Variants in SLC47A2 observed in about 807,000 individuals in gnomAD.
SLC47A2 encodes solute carrier family 47 member 2.
Under a neutral mutation model 67.7 loss-of-function variants are expected in SLC47A2, and 52 were observed. The ratio of observed to expected loss-of-function variants is 0.77; its 90% CI spans 0.61 to 0.97. The LOEUF (loss-of-function observed/expected upper bound fraction) is 0.97. Among genes scored for constraint, SLC47A2 ranks in the 50% least tolerant of loss-of-function variants. The pLI is 0.00. For missense variants in SLC47A2, 676 were observed against 712.3 expected, an observed-to-expected ratio of 0.95 and a Z score of 0.58; for synonymous variants, 278 against 292.9, an observed-to-expected ratio of 0.95 and a Z score of 0.52.
intron 10 of SLC47A2, 26 bp downstream of exon 10, chr17:19,705,410 G>T: frequency 6.2e-7 from 1 of 1,601,400 alleles, no homozygotes; most frequent in Non-Finnish European, 8.5e-7. Flanking sequence ...GGGGATGTGG[G>T]GAAGGCACCC....
At chr17:19,711,543 C>T (rs1172892773) in intron 5 of SLC47A2, among the ~76,000 whole-genome samples, 1 of 120,446 alleles carries the variant, frequency 8.3e-6, no homozygotes, top group African/African-American at 3.2e-5. Flanking sequence ...GAGCGGAGAT[C>T]GTACCACTGC....
intron 13 of SLC47A2, among the ~76,000 whole-genome samples, chr17:19,691,795 AC>A (rs2085546792): frequency 6.6e-6 from 1 of 152,104 alleles, no homozygotes. Flanking sequence ...GGTGATGAAA[AC>A]CCCATTTATC....
intron 13 of SLC47A2, among the ~76,000 whole-genome samples, chr17:19,688,605 T>G (rs993585068): frequency 8.5e-5 from 13 of 152,230 alleles, no homozygotes; most frequent in African/African-American, 3.1e-4. Flanking sequence ...TTTGTTTTGT[T>G]TTTGGAGATG....
chr17:19,708,483 C>T, intron 6 of SLC47A2, 84 bp from the exon 7 acceptor site: 2 of 1,614,076 alleles, frequency 1.2e-6, no homozygotes, highest in Non-Finnish European at 1.7e-6. Flanking sequence ...AATGGGGACT[C>T]CTCCTCCTGC....
chr17:19,692,337 C>G, intron 13 of SLC47A2: 1 of 412,616 alleles, frequency 2.4e-6, no homozygotes, highest in Non-Finnish European at 4.7e-6. Flanking sequence ...ACATAGATTA[C>G]CAAAATCAGA....
chr17:19,682,937 T>C (rs975875809), intron 13 of SLC47A2, among the ~76,000 whole-genome samples: 3 of 152,252 alleles, frequency 2.0e-5, no homozygotes, highest in African/African-American at 7.2e-5. Context: ...CAGCTCATCC[T>C]TGGTCAGGAT....
chr17:19,698,482 C>G (rs56901260), intron 13 of SLC47A2, among the ~76,000 whole-genome samples: 6,888 of 152,104 alleles, frequency 0.045, 265 homozygotes, highest in East Asian at 0.16. Flanking sequence ...CACTGGAGTA[C>G]CTGGGATTAC....
At chr17:19,690,257 T>C (rs1369909433) in intron 13 of SLC47A2, among the ~76,000 whole-genome samples, 1 of 152,168 alleles carries the variant, frequency 6.6e-6, no homozygotes, top group Non-Finnish European at 1.5e-5. Flanking sequence ...TCTCACCGTA[T>C]ACAAAAATCA....
chr17:19,705,603 T>C (rs1597625351), intron 9 of SLC47A2, 100 bp from the exon 10 acceptor site: 2 of 1,123,754 alleles, frequency 1.8e-6, no homozygotes, highest in Non-Finnish European at 2.4e-6. Flanking sequence ...GGGGCTTTTT[T>C]TTTTTTTCTT....
chr17:19,688,689 C>T lies in SLC47A2; in HGVS notation c.1165-7019G>A, dbSNP rs533900391. 1.2e-3 allele frequency among the ~76,000 whole-genome samples: 177 copies of T among 152,094 alleles called. 1 individual carries two copies. The highest frequency in any genetic ancestry group is 4.0e-3 in the African/African-American group (166 of 41,508). ...TCATCCTCCCAAGTAGCTGGGATTA[C>T]ACTGCACTGCCTGCACTACAAAGCC... is the stretch of plus-strand genomic sequence containing the variant. On this transcript the variant is annotated intron_variant, in intron 13 of 16. Coordinates refer to ENST00000433844, the MANE Select transcript of SLC47A2 (RefSeq NM_001099646.3).
chr17:19,693,951 T>A (rs912493368), intron 13 of SLC47A2, among the ~76,000 whole-genome samples: 2 of 152,034 alleles, frequency 1.3e-5, no homozygotes, highest in African/African-American at 4.8e-5. Context: ...GGATAAAGGA[T>A]CAATAATCAA....
rs767987489 is a variant in SLC47A2, at chr17:19,681,641, A to G, written c.1194T>C (p.Thr398=). Residue 398 remains threonine (T), a synonymous_variant, in exon 14 of 17, where the codon ACT becomes ACC. Transcript: ENST00000433844. ...CAGCGGCACCAAAGGCCTGCTTCCC[A>G]GTTCCTCTCAGAACTCCGCCATAGA... ...CCVYGGVLRG[T]GKQAFGAAVN... The G allele has an allele frequency of 6.2e-7, 1 of 1,613,996 alleles. No homozygotes were observed. Among genetic ancestry groups the G allele is most frequent in the Non-Finnish European group, 8.5e-7 (1 of 1,179,852 alleles).
intron 13 of SLC47A2, among the ~76,000 whole-genome samples, chr17:19,698,621 C>T (rs1215998030): frequency 3.3e-5 from 5 of 152,038 alleles, no homozygotes; most frequent in Non-Finnish European, 7.4e-5. Flanking sequence ...TCCCAAAGTC[C>T]AGGGATTACA....
At chr17:19,716,354 G>A (rs1389659939) in intron 1 of SLC47A2, 79 bp downstream of exon 1, 24 of 1,496,814 alleles carry the variant, frequency 1.6e-5, no homozygotes, top group African/African-American at 2.8e-5. Flanking sequence ...CACATTTCTG[G>A]ATCCTGCCTG....
intron 13 of SLC47A2, among the ~76,000 whole-genome samples, chr17:19,693,606 A>C (rs1159546694): frequency 7.8e-6 from 1 of 128,478 alleles, no homozygotes; most frequent in Non-Finnish European, 1.7e-5. Context: ...CCCCGTCTCT[A>C]CTAAAAATAA....
At chr17:19,716,737 CT>C, upstream of SLC47A2, 1 of 917,214 alleles carries the variant, frequency 1.1e-6, no homozygotes, top group South Asian at 2.0e-5. Context: ...CACTGAGTCC[CT>C]GCTGCCAAGC....
intron 13 of SLC47A2, chr17:19,702,067 C>T: frequency 1.1e-6 from 1 of 941,630 alleles, no homozygotes; most frequent in South Asian, 4.9e-5. Flanking sequence ...CATGATCGCA[C>T]TGCTGCACTC....
At chr17:19,701,393 G>A (rs2085783446) in intron 13 of SLC47A2, among the ~76,000 whole-genome samples, 1 of 152,130 alleles carries the variant, frequency 6.6e-6, no homozygotes, top group Non-Finnish European at 1.5e-5. Context: ...GAACTGGATG[G>A]AGTACACAGA....
intron 13 of SLC47A2, among the ~76,000 whole-genome samples, chr17:19,683,955 GA>G (rs2085366818): frequency 6.6e-6 from 1 of 152,216 alleles, no homozygotes; most frequent in Non-Finnish European, 1.5e-5. Flanking sequence ...GAGGAGACAG[GA>G]GTCACAGAAT....
Sources: allele counts gnomAD v4.1 joint callset (sites outside exome capture counted in the v4.1 genomes callset), GRCh38; gene constraint gnomAD v4.1.1; transcripts MANE v1.5; gene names NCBI Gene and HGNC (gene_info 2026-07-23, HGNC 2026-07-21).